The following GLCCI1 variants were observed in gnomAD, a reference collection of about 807,000 sequenced individuals.
GLCCI1 encodes the protein glucocorticoid induced 1, also known as glucocorticoid-induced transcript 1 protein.
In GLCCI1, 24 loss-of-function variants were observed where a neutral mutation model predicts 52.2. The ratio of observed to expected loss-of-function variants is 0.46; its 90% CI spans 0.33 to 0.65. The LOEUF (loss-of-function observed/expected upper bound fraction) is 0.65. Ranked by LOEUF, GLCCI1 falls within the 30% of genes least tolerant of loss-of-function variation. The pLI is 0.02. For missense variants in GLCCI1, 704 were observed against 701.5 expected, an observed-to-expected ratio of 1.00 and a Z score of -0.04; for synonymous variants, 310 against 276.5, an observed-to-expected ratio of 1.12 and a Z score of -1.20.
intron 3 of GLCCI1, among the ~76,000 whole-genome samples, chr7:8,033,953 A>C (rs1007072143): frequency 2.6e-5 from 4 of 152,162 alleles, no homozygotes; most frequent in African/African-American, 9.6e-5. Context: ...AAGTCCGAAT[A>C]ATCTTGAAAA....
chr7:7,976,335 C>T (rs1425330937), intron 1 of GLCCI1, among the ~76,000 whole-genome samples: 1 of 151,292 alleles, frequency 6.6e-6, no homozygotes, highest in Admixed American at 6.6e-5. Flanking sequence ...AGAAATTAGC[C>T]GGGCATGGTG....
chr7:7,994,707 T>C (rs1211601224), intron 1 of GLCCI1, among the ~76,000 whole-genome samples: 1 of 152,226 alleles, frequency 6.6e-6, no homozygotes, highest in East Asian at 1.9e-4. Context: ...GCACCTTTCT[T>C]CCTTGCTGTC....
At position 8,003,970 on chromosome 7, in the gene GLCCI1, G is replaced by A; in HGVS notation, c.520G>A (p.Asp174Asn). Residue 174 changes from aspartate (D) to asparagine (N), a missense_variant, in exon 2 of 8, where the codon GAT becomes AAT. Physicochemically the swap from Asp to Asn is conservative, Grantham distance 23. Coordinates refer to ENST00000223145, the MANE Select transcript of GLCCI1 (RefSeq NM_138426.4). ...SSTIRRTSSLDTITGPYLTGQ... is the reference protein window; with the variant it reads ...SSTIRRTSSLNTITGPYLTGQ... The stretch of plus-strand genomic sequence containing the variant: ...TACAATAAGGCGAACCTCCTCTTTG[G>A]ATACAATAACAGGACCTTACCTCAC... 2 of 1,613,712 alleles carry A rather than the reference G, an allele frequency of 1.2e-6. No homozygotes were observed. Among genetic ancestry groups the A allele is most frequent in the Non-Finnish European group, 1.7e-6 (2 of 1,179,784 alleles).
intron 3 of GLCCI1, among the ~76,000 whole-genome samples, chr7:8,039,221 C>T (rs1440994486): frequency 6.6e-6 from 1 of 152,104 alleles, no homozygotes; most frequent in East Asian, 1.9e-4. Flanking sequence ...ATAGAACTGC[C>T]ATTTAATCCA....
At position 7,969,255 on chromosome 7, in the gene GLCCI1, C is replaced by A. The variant is rs1780281820; in HGVS notation, c.-96C>A. On this transcript the variant is annotated 5_prime_UTR_variant, in exon 1 of 8. Coordinates refer to ENST00000223145, the MANE Select transcript of GLCCI1 (RefSeq NM_138426.4). The surrounding 1 kb of genome is among the most constrained non-coding windows in gnomAD (Gnocchi z 4.9). ...TACCCCCGCCCCTCCCCCTTACACA[C>A]TCGCACGCACTATCGCGCCGGCTCC... 1 of 1,146,916 alleles carries A rather than the reference C, an allele frequency of 8.7e-7. No individual in the cohort carries two copies. Among genetic ancestry groups the A allele is most frequent in the Non-Finnish European group, 1.1e-6 (1 of 917,882 alleles). The allele number at this position is 1,146,916 out of a possible 1,614,324, so 71.0% of individuals were successfully genotyped here.
chr7:7,998,649 C>T lies in GLCCI1; in HGVS notation c.458-5259C>T, dbSNP rs1780993359. ...TTACTTTCTAGTGTTCCTAAGCATT[C>T]TACCTTAGAGTGTTTTGTATTTAGG... is the stretch of plus-strand genomic sequence containing the variant. On this transcript the variant is annotated intron_variant, in intron 1 of 7. Transcript: ENST00000223145. Among the ~76,000 whole-genome samples the T allele has an allele frequency of 3.3e-5, 5 of 152,196 alleles. No homozygotes were observed. In the South Asian group the frequency reaches 1.0e-3, roughly 31 times the overall value.
chr7:7,970,396 G>A (rs368942735), intron 1 of GLCCI1: 1 of 23,382 alleles, frequency 4.3e-5, no homozygotes, highest in Non-Finnish European at 1.0e-4. Context: ...CCAGCCCCCC[G>A]CCACCCCGCC....
intron 6 of GLCCI1, among the ~76,000 whole-genome samples, chr7:8,075,988 G>C (rs1052806111): frequency 6.6e-6 from 1 of 152,158 alleles, no homozygotes; most frequent in African/African-American, 2.4e-5. Context: ...AAAATCAAAA[G>C]TATTAATTTT....
Position 8,086,079 on chromosome 7 carries a change from C to T in GLCCI1, c.1299-114C>T. 1.2e-6 allele frequency: 1 copy of T among 857,902 alleles called. No individual in the cohort carries two copies. Among genetic ancestry groups the T allele is most frequent in the Non-Finnish European group, 1.8e-6 (1 of 549,222 alleles). 53.1% of individuals were successfully genotyped at this position (857,902 alleles called of 1,614,324 possible). A position where few individuals can be genotyped will look rare whatever the true frequency, so the allele number is the denominator to read the frequency against. On this transcript the variant is annotated intron_variant, in intron 7 of 7. Coordinates refer to ENST00000223145, the MANE Select transcript of GLCCI1 (RefSeq NM_138426.4). The surrounding 1 kb of genome is among the most constrained non-coding windows in gnomAD (Gnocchi z 4.4). ...TGTTTACCCCTCTGTATACACTTAACCCATCTCCTGCCATTTACATTTTAG... is the reference window on the plus strand; with the variant it reads ...TGTTTACCCCTCTGTATACACTTAATCCATCTCCTGCCATTTACATTTTAG...
chr7:8,036,857 C>T (rs1393195973), intron 3 of GLCCI1, among the ~76,000 whole-genome samples: 1 of 151,980 alleles, frequency 6.6e-6, no homozygotes, highest in Non-Finnish European at 1.5e-5. Flanking sequence ...AAAAAGAAAA[C>T]AGAATTTTGA....
At chr7:7,994,701 C>G (rs768068728) in intron 1 of GLCCI1, among the ~76,000 whole-genome samples, 1 of 152,210 alleles carries the variant, frequency 6.6e-6, no homozygotes, top group Non-Finnish European at 1.5e-5. Context: ...AGTGTAGCAC[C>G]TTTCTTCCTT....
At chr7:8,007,132 C>T (rs955256043) in intron 2 of GLCCI1, among the ~76,000 whole-genome samples, 1 of 152,108 alleles carries the variant, frequency 6.6e-6, no homozygotes, top group Non-Finnish European at 1.5e-5. Flanking sequence ...TTTTGAGGTC[C>T]AGGATAAGGG....
chr7:7,979,510 A>G (rs1447668112), intron 1 of GLCCI1, among the ~76,000 whole-genome samples: 4 of 152,150 alleles, frequency 2.6e-5, no homozygotes, highest in African/African-American at 9.7e-5. Context: ...CTTTCATTAG[A>G]TGAAGCTTGA....
chr7:8,056,290 T>A (rs1021729246), intron 4 of GLCCI1, among the ~76,000 whole-genome samples: 1 of 152,168 alleles, frequency 6.6e-6, no homozygotes, highest in Non-Finnish European at 1.5e-5. Context: ...AGAGCGAGAA[T>A]CCATCTCAAT....
intron 6 of GLCCI1, among the ~76,000 whole-genome samples, chr7:8,079,318 G>GTGTTTCAGGCACTATCCTAAT (rs1562453216): frequency 6.9e-6 from 1 of 145,836 alleles, no homozygotes; most frequent in African/African-American, 2.8e-5. Flanking sequence ...TGGAAATTTT[G>GTGTTTCAGGCACTATCCTAAT]CCATTTAATA....
At chr7:8,065,220 G>C (rs895177296) in intron 5 of GLCCI1, among the ~76,000 whole-genome samples, 18 of 152,132 alleles carry the variant, frequency 1.2e-4, no homozygotes, top group African/African-American at 4.1e-4. Context: ...GATATTGTTA[G>C]TATATAGAAA....
intron 6 of GLCCI1, among the ~76,000 whole-genome samples, chr7:8,083,200 G>C (rs1230848679): frequency 6.6e-6 from 1 of 152,144 alleles, no homozygotes; most frequent in African/African-American, 2.4e-5. Context: ...CACGTATGTA[G>C]TGTGAAATAT....
At chr7:8,056,365 G>A (rs915461535) in intron 4 of GLCCI1, among the ~76,000 whole-genome samples, 15 of 152,108 alleles carry the variant, frequency 9.9e-5, no homozygotes, top group African/African-American at 3.6e-4. Flanking sequence ...TACTGACCTG[G>A]ATTGAAATCT....
chr7:7,982,165 G>A (rs1780636706), intron 1 of GLCCI1: 2 of 322,692 alleles, frequency 6.2e-6, no homozygotes, highest in South Asian at 3.1e-5. Context: ...AGAGAAAGGA[G>A]TAAAAAGAGA....
Sources: gnomAD v4.1 joint callset for allele counts (sites outside exome capture counted in the v4.1 genomes callset) on GRCh38, gnomAD v4.1.1 for gene constraint, Gnocchi (gnomAD v3.1) non-coding constraint, MANE v1.5 for transcripts, NCBI Gene and HGNC (gene_info 2026-07-23, HGNC 2026-07-21) for gene names.